Variants in NEK10 observed in about 807,000 individuals in gnomAD.
The protein encoded by NEK10 is NIMA related kinase 10, also known as serine/threonine-protein kinase Nek10.
In NEK10, 122 loss-of-function variants were observed where a neutral mutation model predicts 159.8. The ratio of observed to expected loss-of-function variants is 0.76; its 90% CI spans 0.66 to 0.89. The LOEUF (loss-of-function observed/expected upper bound fraction) is 0.89, where lower values mean the gene tolerates loss of function less well. NEK10 is among the 40% of genes least tolerant of loss of function. The pLI is 0.00. For synonymous variants in NEK10, 466 were observed against 457.1 expected (o/e 1.02, Z -0.25); for missense variants, 1,342 against 1,323.1 (o/e 1.01, Z -0.22).
At chr3:27,156,990 T>C (rs1478510905) in intron 30 of NEK10, among the ~76,000 whole-genome samples, 2 of 111,138 alleles carry the variant, frequency 1.8e-5, no homozygotes, top group Non-Finnish European at 3.6e-5. Context: ...GATGAAATAC[T>C]ACTCAGCCAT....
chr3:27,163,409 T>C (rs1458688036), intron 29 of NEK10, among the ~76,000 whole-genome samples: 1 of 152,028 alleles, frequency 6.6e-6, no homozygotes, highest in East Asian at 1.9e-4. Flanking sequence ...TGGAGTGCAG[T>C]GACGCGATCT....
chr3:27,237,805 T>C (rs1375741275), intron 23 of NEK10, among the ~76,000 whole-genome samples: 1 of 152,082 alleles, frequency 6.6e-6, no homozygotes, highest in Admixed American at 6.6e-5. Context: ...CCCCAAAAAC[T>C]ATTGAAATTT....
chr3:27,310,068 AT>A (rs2044568344), intron 9 of NEK10: 1 of 152,156 alleles, frequency 6.6e-6, no homozygotes, highest in Non-Finnish European at 1.5e-5. Flanking sequence ...GGCTAAGGTA[AT>A]TTTTATGTTT....
rs1575664829 is a variant in NEK10, at chr3:27,305,040, A to C, written c.804-69T>G. ...AGTTGATTACTTTACATTAAGACTA[A>C]AGCTATCATCAGTGCATGAAATATA... On this transcript the variant is annotated intron_variant, in intron 11 of 35. Coordinates refer to ENST00000691995, the MANE Select transcript of NEK10 (RefSeq NM_001394966.1). 4 of 938,346 alleles carry C rather than the reference A, an allele frequency of 4.3e-6. No individual in the cohort carries two copies. In the East Asian group the frequency reaches 1.0e-4, roughly 24 times the overall value. 58.1% of individuals were successfully genotyped at this position (938,346 alleles called of 1,614,324 possible).
intron 22 of NEK10, among the ~76,000 whole-genome samples, chr3:27,281,764 G>T (rs1444471408): frequency 2.0e-5 from 3 of 152,098 alleles, no homozygotes; most frequent in African/African-American, 7.2e-5. Flanking sequence ...ATAGTTCCAT[G>T]ATAATGGCTG....
intron 1 of NEK10, chr3:27,363,772 A>G (rs1378618326): frequency 1.3e-5 from 2 of 152,214 alleles, no homozygotes; most frequent in Non-Finnish European, 2.9e-5. Context: ...ACACATGTGT[A>G]TTATATGAAT....
chr3:27,116,778 G>C (rs992383110), intron 33 of NEK10, among the ~76,000 whole-genome samples: 1 of 151,750 alleles, frequency 6.6e-6, no homozygotes, highest in African/African-American at 2.4e-5. Flanking sequence ...TACATTATAA[G>C]CATGTGCCAC....
intron 5 of NEK10, among the ~76,000 whole-genome samples, chr3:27,331,252 A>AAAAAAAAAAAAAAC (rs2046385066): frequency 3.6e-5 from 2 of 54,928 alleles, no homozygotes; most frequent in African/African-American, 6.8e-5. Flanking sequence ...AAAAAAAAAC[A>AAAAAAAAAAAAAAC]AAAAAAAAAA....
chr3:27,250,021 T>TC (rs963763570), intron 23 of NEK10, among the ~76,000 whole-genome samples: 11 of 152,086 alleles, frequency 7.2e-5, no homozygotes, highest in Non-Finnish European at 1.6e-4. Context: ...TTTAATTTTG[T>TC]CCCCCCACTT....
At chr3:27,324,075 A>T (rs1452548217) in intron 5 of NEK10, among the ~76,000 whole-genome samples, 1 of 152,188 alleles carries the variant, frequency 6.6e-6, no homozygotes, top group Non-Finnish European at 1.5e-5. Flanking sequence ...AGGTGAGGTT[A>T]GCTTAGAAGT....
At chr3:27,303,296 T>C (rs1371816135) in intron 12 of NEK10, among the ~76,000 whole-genome samples, 1 of 152,158 alleles carries the variant, frequency 6.6e-6, no homozygotes, top group Non-Finnish European at 1.5e-5. Flanking sequence ...TTCAATTCTA[T>C]ATGAGAAAAA....
intron 23 of NEK10, chr3:27,253,063 T>C: frequency 2.8e-6 from 1 of 356,484 alleles, no homozygotes; most frequent in Non-Finnish European, 5.5e-6. Flanking sequence ...TGCTTCACTT[T>C]GTCTCTACTT....
chr3:27,145,696 G>A (rs1944232370), intron 30 of NEK10, among the ~76,000 whole-genome samples: 1 of 152,090 alleles, frequency 6.6e-6, no homozygotes, highest in Non-Finnish European at 1.5e-5. Flanking sequence ...ACACCTCCCA[G>A]TGCCTGTAAA....
rs531346936 is a variant in NEK10 at position 27,313,754 on chromosome 3, C to T, written c.489+543G>A. 1.1e-3 allele frequency among the ~76,000 whole-genome samples: 170 copies of T among 152,268 alleles called. 1 individual carries two copies. The highest frequency in any genetic ancestry group is 2.1e-3 in the Non-Finnish European group (142 of 68,030). ...GTGAGGCGGAGTTTCGCTCTGTTGCCCAGGCTGGAGTGCAGTGGTGCAACT... is the reference window on the plus strand; with the variant it reads ...GTGAGGCGGAGTTTCGCTCTGTTGCTCAGGCTGGAGTGCAGTGGTGCAACT... On this transcript the variant is annotated intron_variant, in intron 7 of 35. Transcript: ENST00000691995.
intron 22 of NEK10, among the ~76,000 whole-genome samples, chr3:27,275,726 G>C (rs1011591650): frequency 6.6e-6 from 1 of 152,134 alleles, no homozygotes; most frequent in African/African-American, 2.4e-5. Flanking sequence ...TATCAGAAAT[G>C]CAATACTAAC....
chr3:27,192,161 T>C lies in NEK10; in HGVS notation c.2373A>G (p.Leu791=). The C allele has an allele frequency of 6.2e-7, 1 of 1,614,024 alleles. No individual in the cohort carries two copies. Among genetic ancestry groups the C allele is most frequent in the Non-Finnish European group, 8.5e-7 (1 of 1,179,860 alleles). ...ACAACTGGGATGTAGATAAGTTGTCTAAATATTTCATCATGACATCTGATA... is the reference window on the plus strand; with the variant it reads ...ACAACTGGGATGTAGATAAGTTGTCCAAATATTTCATCATGACATCTGATA... The part of the protein sequence containing the change: ...SMISDVMMKY[L]DNLSTSQLSL... The change falls in exon 26 of 36, where the codon TTA becomes TTG. Residue 791 remains leucine, a synonymous_variant. Transcript: ENST00000691995.
chr3:27,260,406 T>C (rs551095531), intron 22 of NEK10, among the ~76,000 whole-genome samples: 24 of 152,314 alleles, frequency 1.6e-4, no homozygotes, highest in Non-Finnish European at 2.8e-4. Flanking sequence ...CAATACCTAA[T>C]TTATTGAGAG....
rs1323390125 is a variant in NEK10, at chr3:27,116,011, T to G, written c.3244-16A>C. ...CAATCACAGTCTAAAATTTTAAAAA[T>G]CAGGTTAGTATTGAATTAGAAGTAA... On this transcript the variant is annotated splice_polypyrimidine_tract_variant and intron_variant, in intron 34 of 35. Transcript: ENST00000691995. 2 of 1,612,852 alleles carry G rather than the reference T, an allele frequency of 1.2e-6. No homozygotes were observed. The highest frequency in any genetic ancestry group is 2.2e-5 in the South Asian group (2 of 91,002).
At chr3:27,256,432 T>C (rs1956182928) in intron 22 of NEK10, 61 bp from the exon 23 acceptor site, 1 of 1,008,476 alleles carries the variant, frequency 9.9e-7, no homozygotes, top group Non-Finnish European at 1.4e-6. Flanking sequence ...CATTGTTCCT[T>C]AGCATTTGAC....
Sources: allele counts gnomAD v4.1 joint callset (sites outside exome capture counted in the v4.1 genomes callset), GRCh38; gene constraint gnomAD v4.1.1; transcripts MANE v1.5; gene names NCBI Gene and HGNC (gene_info 2026-07-23, HGNC 2026-07-21).